ZYG11B: variants seen among roughly 807,000 people sequenced by gnomAD.
ZYG11B encodes the protein protein zyg-11 homolog B.
ZYG11B carries 36 observed loss-of-function variants against 82.4 expected under a neutral mutation model. The observed-to-expected ratio is 0.44, with a 90% CI of 0.33 to 0.58. The LOEUF is 0.58. Ranked by LOEUF, ZYG11B falls within the 20% of genes least tolerant of loss-of-function variation. The pLI is 0.02. For missense variants in ZYG11B, 552 were observed against 895.6 expected (o/e 0.62, Z 4.90); for synonymous variants, 303 against 312.8 (o/e 0.97, Z 0.33).
At chr1:52,803,151 TATACACATATATATATACACAC>T (rs1645099661) in intron 10 of ZYG11B, among the ~76,000 whole-genome samples, 5 of 56,502 alleles carry the variant, frequency 8.8e-5, no homozygotes, top group South Asian at 8.3e-4. Flanking sequence ...TATATATATA[TATACACATATATATATACACAC>T]ATATATATAT....
At chr1:52,739,934 C>T (rs1644410590) in intron 1 of ZYG11B, among the ~76,000 whole-genome samples, 2 of 152,058 alleles carry the variant, frequency 1.3e-5, no homozygotes, top group South Asian at 4.1e-4. Flanking sequence ...CATGGATGTC[C>T]CATTTATTCC....
At chr1:52,817,858 G>A (rs1289828524) in intron 13 of ZYG11B, among the ~76,000 whole-genome samples, 3 of 61,958 alleles carry the variant, frequency 4.8e-5, no homozygotes, top group Non-Finnish European at 6.0e-5. Flanking sequence ...TTTTTTTTGA[G>A]ATGGAGTCTC....
chr1:52,740,788 C>T (rs1644422293), intron 1 of ZYG11B, among the ~76,000 whole-genome samples: 1 of 151,598 alleles, frequency 6.6e-6, no homozygotes, highest in African/African-American at 2.4e-5. Flanking sequence ...TGGTCTCCAA[C>T]TCTTGGCCTC....
rs559329332 is a variant in ZYG11B at position 52,764,438 on chromosome 1, A to T, written c.197-6582A>T. On this transcript the variant is annotated intron_variant, in intron 2 of 13. Transcript: ENST00000294353. Reference sequence around the variant, plus strand: ...GTGTAATTTACCACACCCAGCCAAGATTTTTTTAAAATAAGAAAAGAGCAT... The same window carrying T: ...GTGTAATTTACCACACCCAGCCAAGTTTTTTTTAAAATAAGAAAAGAGCAT... Among the ~76,000 whole-genome samples the T allele has an allele frequency of 3.3e-4, 50 of 152,036 alleles. No homozygotes were observed. In the South Asian group the frequency reaches 4.4e-3, roughly 13 times the overall value.
chr1:52,775,669 C>T (rs950864611), intron 3 of ZYG11B, among the ~76,000 whole-genome samples: 15 of 148,272 alleles, frequency 1.0e-4, no homozygotes, highest in Non-Finnish European at 8.9e-5. Flanking sequence ...CCAGCCTGGG[C>T]GATAGAGTGG....
intron 6 of ZYG11B, among the ~76,000 whole-genome samples, chr1:52,794,548 C>G (rs1379085082): frequency 6.6e-6 from 1 of 152,086 alleles, no homozygotes; most frequent in Non-Finnish European, 1.5e-5. Context: ...GATATATAGT[C>G]CCCGCCCTCA....
At chr1:52,789,936 C>A in intron 5 of ZYG11B, 67 bp from the exon 6 acceptor site, 3 of 1,096,348 alleles carry the variant, frequency 2.7e-6, no homozygotes, top group South Asian at 2.1e-5. Flanking sequence ...TTTATGGAAG[C>A]TACCATGGTT....
intron 1 of ZYG11B, among the ~76,000 whole-genome samples, chr1:52,744,714 C>T (rs1184014850): frequency 2.0e-5 from 3 of 152,090 alleles, no homozygotes; most frequent in African/African-American, 4.8e-5. Flanking sequence ...TGGTGGCACG[C>T]GCCTGTAGTC....
chr1:52,796,588 G>A (rs1645007940), intron 7 of ZYG11B, 146 bp from the exon 8 acceptor site: 1 of 829,370 alleles, frequency 1.2e-6, no homozygotes, highest in African/African-American at 1.8e-5. Context: ...GGGAGGCCGA[G>A]GCAGGCCTCC....
chr1:52,728,541 A>C (rs1644303636), intron 1 of ZYG11B, among the ~76,000 whole-genome samples: 1 of 152,250 alleles, frequency 6.6e-6, no homozygotes, highest in South Asian at 2.1e-4. Context: ...TACAGGCATG[A>C]GCCATCACGC....
intron 2 of ZYG11B, among the ~76,000 whole-genome samples, chr1:52,768,499 A>C (rs539375251): frequency 4.7e-4 from 71 of 152,196 alleles, no homozygotes; most frequent in African/African-American, 1.6e-3. Context: ...TATAGAAAGA[A>C]CTACTTGCCA....
chr1:52,785,766 C>T (rs1347828054), intron 5 of ZYG11B, among the ~76,000 whole-genome samples: 3 of 151,992 alleles, frequency 2.0e-5, no homozygotes. Flanking sequence ...TTTTTTAGGT[C>T]ATTTGAAATT....
chr1:52,766,392 G>A (rs1214007767), intron 2 of ZYG11B, among the ~76,000 whole-genome samples: 1 of 151,442 alleles, frequency 6.6e-6, no homozygotes, highest in Non-Finnish European at 1.5e-5. Flanking sequence ...GTGCCACCGC[G>A]CCTGGTCTGT....
intron 2 of ZYG11B, among the ~76,000 whole-genome samples, chr1:52,764,705 G>C (rs568554940): frequency 6.6e-6 from 1 of 152,274 alleles, no homozygotes; most frequent in Admixed American, 6.5e-5. Flanking sequence ...TAGAATTACA[G>C]CTTGTGCCAG....
rs762115006 is a variant in ZYG11B, at chr1:52,756,589, G to A, written c.162G>A (p.Val54=). 5 of 1,613,902 alleles carry A rather than the reference G, an allele frequency of 3.1e-6. No individual in the cohort carries two copies. The highest frequency in any genetic ancestry group is 4.2e-6 in the Non-Finnish European group (5 of 1,179,922). Residue 54 remains valine (V), a synonymous_variant, in exon 2 of 14, where the codon GTG becomes GTA. Transcript: ENST00000294353. ...LQEPGVFPQE[V]ADRLLRTMAF... ...AACCTGGAGTATTCCCACAGGAGGT[G>A]GCTGATCGACTGCTTCGGACCATGG...
At chr1:52,783,874 G>GTGTGTGTGTATGTACATACA (rs1644883336) in intron 4 of ZYG11B, among the ~76,000 whole-genome samples, 1 of 105,316 alleles carries the variant, frequency 9.5e-6, no homozygotes, top group African/African-American at 5.8e-5. Flanking sequence ...GTACATACAC[G>GTGTGTGTGTATGTACATACA]TGTGTGTATA....
intron 8 of ZYG11B, among the ~76,000 whole-genome samples, chr1:52,797,133 TTTATATA>T (rs1211499448): frequency 0.02 from 1,456 of 74,232 alleles, 37 homozygotes; most frequent in Non-Finnish European, 0.024. Flanking sequence ...ATATTATATA[TTTATATA>T]TTATATATTA....
intron 10 of ZYG11B, among the ~76,000 whole-genome samples, chr1:52,806,796 G>A (rs377451987): frequency 1.3e-4 from 20 of 151,556 alleles, no homozygotes; most frequent in East Asian, 9.7e-4. Context: ...TGGGGTATTT[G>A]GATCATTTAC....
intron 1 of ZYG11B, among the ~76,000 whole-genome samples, chr1:52,732,323 A>C (rs1028659918): frequency 6.6e-6 from 1 of 152,232 alleles, no homozygotes; most frequent in Non-Finnish European, 1.5e-5. Context: ...AATGTCCTAC[A>C]ATAGGAGGGA....
Sources: gnomAD v4.1 joint callset for allele counts (sites outside exome capture counted in the v4.1 genomes callset) on GRCh38, gnomAD v4.1.1 for gene constraint, MANE v1.5 for transcripts, NCBI Gene and HGNC (gene_info 2026-07-23, HGNC 2026-07-21) for gene names.